Variants in CAGE1 observed in about 807,000 individuals in gnomAD.
CAGE1 encodes cancer antigen 1, also known as cancer-associated gene 1 protein.
CAGE1 carries 66 observed loss-of-function variants against 94.9 expected under a neutral mutation model. The observed-to-expected ratio is 0.70, with a 90% CI of 0.57 to 0.85. CAGE1 has a LOEUF of 0.85. CAGE1 is among the 40% of genes least tolerant of loss of function. The probability of loss-of-function intolerance (pLI) is 0.00; values close to 1 mark genes in which losing one functional copy is unlikely to be tolerated. For synonymous variants in CAGE1, 319 were observed against 321.0 expected, an observed-to-expected ratio of 0.99 and a Z score of 0.07; for missense variants, 865 against 950.4, an observed-to-expected ratio of 0.91 and a Z score of 1.18.
At chr6:7,358,776 C>T (rs1760068536) in intron 9 of CAGE1, among the ~76,000 whole-genome samples, 1 of 152,152 alleles carries the variant, frequency 6.6e-6, no homozygotes, top group African/African-American at 2.4e-5. Context: ...GCCAAGATTG[C>T]ACCACTACAC....
chr6:7,387,005 T>A lies in CAGE1; in HGVS notation c.169A>T (p.Thr57Ser), dbSNP rs200490702. 1,319 of 1,551,930 alleles carry A rather than the reference T, an allele frequency of 8.5e-4. 1 individual carries two copies. Among genetic ancestry groups the A allele is most frequent in the Middle Eastern group, 1.5e-3 (9 of 5,992 alleles). ...LSHSPICMET[T>S]GTTCDLPQNE... ...TGAGGCAAGTCACAAGTGGTGCCGGTGGTTTCCATACAGATTGGAGAATGT... is the reference window on the plus strand; with the variant it reads ...TGAGGCAAGTCACAAGTGGTGCCGGAGGTTTCCATACAGATTGGAGAATGT... The change falls in exon 2 of 14, where the codon ACC (threonine) becomes TCC (serine). Residue 57 changes from threonine to serine, a missense_variant. Thr to Ser is a moderately conservative substitution (Grantham distance 58). Coordinates refer to ENST00000502583, the MANE Select transcript of CAGE1 (RefSeq NM_001170692.2).
intron 9 of CAGE1, among the ~76,000 whole-genome samples, chr6:7,360,872 G>C (rs925944921): frequency 4.6e-5 from 7 of 151,862 alleles, no homozygotes; most frequent in African/African-American, 1.7e-4. Context: ...ACTTGAACCC[G>C]GGAGGTGGAG....
intron 5 of CAGE1, among the ~76,000 whole-genome samples, 188 bp from the exon 6 acceptor site, chr6:7,370,253 A>T (rs958021033): frequency 6.6e-6 from 1 of 152,162 alleles, no homozygotes; most frequent in Non-Finnish European, 1.5e-5. Flanking sequence ...AATTCTTTTA[A>T]AGTAGCAATA....
intron 3 of CAGE1, among the ~76,000 whole-genome samples, chr6:7,385,001 T>C (rs573932298): frequency 1.3e-5 from 2 of 149,754 alleles, no homozygotes; most frequent in South Asian, 2.1e-4. Flanking sequence ...CCTGGTGTTT[T>C]TTGTTTGTTT....
chr6:7,386,259 A>G (rs928301344), intron 2 of CAGE1, among the ~76,000 whole-genome samples: 1 of 152,246 alleles, frequency 6.6e-6, no homozygotes, highest in Non-Finnish European at 1.5e-5. Flanking sequence ...TAAAACAGGC[A>G]TATATCTTTG....
chr6:7,365,712 G>GAA (rs1760307672), intron 8 of CAGE1, 92 bp downstream of exon 8: 11 of 1,319,082 alleles, frequency 8.3e-6, no homozygotes, highest in Non-Finnish European at 1.2e-5. Context: ...CTTAGAACTA[G>GAA]AAGTACTTCA....
chr6:7,339,704 A>G lies in CAGE1; in HGVS notation c.2370-5614T>C, dbSNP rs1759098414. ...ATTCCTGAGCTACTTCACTTAGAAT[A>G]ATGGTCTCCAATTCCATCTAAGTTG... is the stretch of plus-strand genomic sequence containing the variant. On this transcript the variant is annotated intron_variant, in intron 11 of 13. Transcript: ENST00000502583. This position sits in a 1 kb window ranked among gnomAD's most constrained non-coding sequence, Gnocchi z 4.7. The G allele has an allele frequency of 1.8e-6, 1 of 548,070 alleles. No homozygotes were observed. The highest frequency in any genetic ancestry group is 1.9e-5 in the African/African-American group (1 of 52,758). 34.0% of individuals were successfully genotyped at this position (548,070 alleles called of 1,614,324 possible).
chr6:7,376,522 G>A (rs1427655311), intron 4 of CAGE1, among the ~76,000 whole-genome samples: 1 of 152,056 alleles, frequency 6.6e-6, no homozygotes, highest in Non-Finnish European at 1.5e-5. Context: ...ACAGCACAGA[G>A]ACCCTCGAGT....
intron 3 of CAGE1, among the ~76,000 whole-genome samples, chr6:7,383,723 A>T (rs143105243): frequency 1.2e-3 from 188 of 152,320 alleles, no homozygotes; most frequent in African/African-American, 4.2e-3. Context: ...GGATACATGA[A>T]ATTGCATTAA....
intron 4 of CAGE1, 35 bp downstream of exon 4, chr6:7,378,582 T>C (rs1760831526): frequency 6.6e-7 from 1 of 1,516,160 alleles, no homozygotes; most frequent in South Asian, 1.3e-5. Flanking sequence ...ATTCTCTTTA[T>C]CAAATGGTTT....
rs537404948 is a variant in CAGE1 at position 7,373,844 on chromosome 6, T to C, written c.975A>G (p.Glu325=). ...TNRKQEVRIQ[E]LQCSNLYLEK... ...CTAAATACAGGTTACTACACTGGAG[T>C]TCTTGGATTCGCACTTCCTGCTTTC... The change falls in exon 5 of 14, where the codon GAA becomes GAG. Residue 325 remains glutamate, a synonymous_variant. Coordinates refer to ENST00000502583, the MANE Select transcript of CAGE1 (RefSeq NM_001170692.2). The C allele has an allele frequency of 1.2e-6, 2 of 1,613,934 alleles. No individual in the cohort carries two copies. The highest frequency in any genetic ancestry group is 1.1e-5 in the South Asian group (1 of 91,076).
chr6:7,343,198 AAAAAGAAAAG>A (rs1554136906), intron 11 of CAGE1, among the ~76,000 whole-genome samples: 6 of 137,320 alleles, frequency 4.4e-5, no homozygotes, highest in Admixed American at 7.8e-5. Context: ...CACAAAAAAA[AAAAAGAAAAG>A]AAAAGAAAAG....
At chr6:7,369,094 T>C (rs528683203) in intron 6 of CAGE1, among the ~76,000 whole-genome samples, 1 of 151,230 alleles carries the variant, frequency 6.6e-6, no homozygotes, top group Admixed American at 6.6e-5. Flanking sequence ...CTGCAACCTC[T>C]CCCCCCAGGT....
intron 4 of CAGE1, among the ~76,000 whole-genome samples, chr6:7,375,625 C>T (rs1253225170): frequency 6.6e-6 from 1 of 152,096 alleles, no homozygotes; most frequent in Non-Finnish European, 1.5e-5. Flanking sequence ...GCCTGTAGTC[C>T]TAGCTCCTTG....
At chr6:7,388,398 T>C (rs1359183514) in intron 1 of CAGE1, among the ~76,000 whole-genome samples, 1 of 152,244 alleles carries the variant, frequency 6.6e-6, no homozygotes, top group African/African-American at 2.4e-5. Context: ...GTCTTCAGTC[T>C]CTAAATCTCT....
intron 11 of CAGE1, chr6:7,347,514 G>T (rs9505177): frequency 1.2e-5 from 1 of 82,582 alleles, no homozygotes; most frequent in Non-Finnish European, 2.5e-5. Flanking sequence ...GGGGGGGGGG[G>T]TTGGGGGGGG....
In CAGE1 at chr6:7,330,656, T is replaced by C. The variant is rs112610889; in HGVS notation, c.2439-768A>G. Among the ~76,000 whole-genome samples, 1,169 of 152,322 alleles carry C rather than the reference T, an allele frequency of 7.7e-3. 11 individuals are homozygous for C. Among genetic ancestry groups the C allele is most frequent in the Middle Eastern group, 0.027 (8 of 294 alleles). On this transcript the variant is annotated intron_variant, in intron 12 of 13. Coordinates refer to ENST00000502583, the MANE Select transcript of CAGE1 (RefSeq NM_001170692.2). Reference sequence around the variant, plus strand: ...GCTGCAGAGTAAGCTGAAGCTTGTTTGAGTGCCGAATATACTGAGATCAAT... The same window carrying C: ...GCTGCAGAGTAAGCTGAAGCTTGTTCGAGTGCCGAATATACTGAGATCAAT...
At chr6:7,343,838 C>T (rs1034510659) in intron 11 of CAGE1, among the ~76,000 whole-genome samples, 3 of 152,062 alleles carry the variant, frequency 2.0e-5, no homozygotes, top group African/African-American at 4.8e-5. Flanking sequence ...ATAAGAGGAT[C>T]GACCTCTCAC....
At position 7,385,804 on chromosome 6, in the gene CAGE1, T is replaced by A; in HGVS notation, c.264A>T (p.Thr88=). 2 of 1,541,072 alleles carry A rather than the reference T, an allele frequency of 1.3e-6. No homozygotes were observed. The highest frequency in any genetic ancestry group is 1.8e-6 in the Non-Finnish European group (2 of 1,142,584). Residue 88 remains threonine (T), a synonymous_variant, in exon 3 of 14, where the codon ACA becomes ACT. Coordinates refer to ENST00000502583, the MANE Select transcript of CAGE1 (RefSeq NM_001170692.2). The stretch of plus-strand genomic sequence containing the variant: ...ACTTACCATTTAACAAATTGTCTAG[T>A]GTGCCATAAGCATCTTCACAAAGTG... The part of the protein sequence containing the change: ...ESTLCEDAYG[T]LDNLLNDNNI...
Sources: allele counts gnomAD v4.1 joint callset (sites outside exome capture counted in the v4.1 genomes callset), GRCh38; gene constraint gnomAD v4.1.1; non-coding constraint Gnocchi (gnomAD v3.1); transcripts MANE v1.5; gene names NCBI Gene and HGNC (gene_info 2026-07-23, HGNC 2026-07-21).